The following TOGARAM1 variants were observed in gnomAD, a reference collection of about 807,000 sequenced individuals.
TOGARAM1 encodes the protein TOG array regulator of axonemal microtubules protein 1.
In TOGARAM1, 100 loss-of-function variants were observed where a neutral mutation model predicts 166.6. That is an observed-to-expected ratio of 0.60 (90% CI 0.51 to 0.71). TOGARAM1 has a LOEUF of 0.71. TOGARAM1 is among the 30% of genes least tolerant of loss of function. The pLI, the probability that TOGARAM1 is intolerant of heterozygous loss-of-function variation, is 0.00. For missense variants in TOGARAM1, 2,029 were observed against 2,102.7 expected, an observed-to-expected ratio of 0.96 and a Z score of 0.69; for synonymous variants, 758 against 763.8, an observed-to-expected ratio of 0.99 and a Z score of 0.13.
At chr14:44,970,263 T>C (rs1220167086) in intron 1 of TOGARAM1, among the ~76,000 whole-genome samples, 1 of 152,252 alleles carries the variant, frequency 6.6e-6, no homozygotes, top group Non-Finnish European at 1.5e-5. Context: ...CATATTTTGC[T>C]AAATTTAGAT....
In TOGARAM1 at chr14:45,071,791, G is replaced by A; in HGVS notation, c.5049G>A (p.Lys1683=). The A allele has an allele frequency of 6.2e-7, 1 of 1,608,788 alleles. No homozygotes were observed. The highest frequency in any genetic ancestry group is 1.1e-5 in the South Asian group (1 of 89,774). The part of the protein sequence containing the change: ...NGKAKQDMTE[K]LADIVTELYQ... ...AAGCAAAACAGGACATGACGGAAAA[G>A]CTTGCTGGTAAATACTTTGTAATTT... The change falls in exon 19 of 20, where the codon AAG becomes AAA. Residue 1683 remains lysine, a synonymous_variant. Coordinates refer to ENST00000361462, the MANE Select transcript of TOGARAM1 (RefSeq NM_001308120.2).
At chr14:45,020,629 G>C (rs1395348155) in intron 7 of TOGARAM1, among the ~76,000 whole-genome samples, 1 of 151,824 alleles carries the variant, frequency 6.6e-6, no homozygotes, top group Admixed American at 6.6e-5. Flanking sequence ...CTAAGAATGA[G>C]AGGAAGCACA....
intron 3 of TOGARAM1, 115 bp downstream of exon 3, chr14:44,999,612 TTTTGTTATATTTTTAATAAC>T: frequency 1.2e-6 from 1 of 833,342 alleles, no homozygotes; most frequent in Non-Finnish European, 1.7e-6. Context: ...AATAAAAGGA[TTTTGTTATATTTTTAATAAC>T]TTTTTTCATA....
chr14:45,064,396 G>A (rs772198500), intron 16 of TOGARAM1, among the ~76,000 whole-genome samples: 6 of 152,024 alleles, frequency 3.9e-5, no homozygotes, highest in Non-Finnish European at 7.4e-5. Context: ...CTTCCAAAGT[G>A]CTGGGATTAT....
At chr14:45,005,724 C>G (rs1027564591) in intron 4 of TOGARAM1, among the ~76,000 whole-genome samples, 3 of 152,158 alleles carry the variant, frequency 2.0e-5, no homozygotes, top group African/African-American at 4.8e-5. Flanking sequence ...TTTAAACTAC[C>G]CTACAAGTCC....
At chr14:44,968,861 A>G (rs2138718932) in intron 1 of TOGARAM1, among the ~76,000 whole-genome samples, 1 of 152,298 alleles carries the variant, frequency 6.6e-6, no homozygotes, top group South Asian at 2.1e-4. Context: ...TTATAGTATC[A>G]TAACAATAGT....
rs1200414644 is a variant in TOGARAM1 at position 45,045,583 on chromosome 14, ATGTGTGTGTGTGTGTGTG to A, written c.4154+731_4154+748del. Among the ~76,000 whole-genome samples the A allele has an allele frequency of 4.6e-3, 173 of 37,396 alleles. 3 individuals carry two copies. Among genetic ancestry groups the A allele is most frequent in the African/African-American group, 0.019 (144 of 7,670 alleles). The allele number at this position is 37,396 out of a possible 152,430, so 24.5% of individuals were successfully genotyped here. Reference sequence around the variant, plus strand: ...TATATATATATATATATATATATATATGTGTGTGTGTGTGTGTGTGTGTGTGTGTGTGTGTATATATAT... The same window carrying A: ...TATATATATATATATATATATATATATGTGTGTGTGTGTGTGTATATATAT... On this transcript the variant is annotated intron_variant, in intron 13 of 19. Transcript: ENST00000361462.
intron 16 of TOGARAM1, among the ~76,000 whole-genome samples, chr14:45,064,047 T>C (rs1421574338): frequency 6.6e-6 from 1 of 152,166 alleles, no homozygotes; most frequent in Admixed American, 6.5e-5. Flanking sequence ...TACTTTTTAA[T>C]GTCTCCTCTT....
At chr14:45,017,065 C>G (rs998275699) in intron 7 of TOGARAM1, among the ~76,000 whole-genome samples, 6 of 152,070 alleles carry the variant, frequency 3.9e-5, no homozygotes, top group African/African-American at 1.2e-4. Context: ...GTTAGAAATA[C>G]AAAATGAACA....
intron 16 of TOGARAM1, among the ~76,000 whole-genome samples, chr14:45,063,478 A>ACTTTT (rs1882992274): frequency 7.5e-6 from 1 of 134,002 alleles, no homozygotes; most frequent in African/African-American, 3.5e-5. Context: ...CATTTGACAA[A>ACTTTT]GTTTTTTTTT....
rs1343650819 is a variant in TOGARAM1 at position 44,963,664 on chromosome 14, C to G, written c.1243C>G (p.Leu415Val). The G allele has an allele frequency of 6.2e-7, 1 of 1,613,362 alleles. No individual in the cohort carries two copies. Among genetic ancestry groups the G allele is most frequent in the East Asian group, 2.2e-5 (1 of 44,902 alleles). ...DSNFKVVHGTLEVLHLLVIRL... is the reference protein window; with the variant it reads ...DSNFKVVHGTVEVLHLLVIRL... The stretch of plus-strand genomic sequence containing the variant: ...TAACTTCAAAGTGGTGCATGGCACA[C>G]TTGAAGTCCTGCATTTACTGGTTAT... The change falls in exon 1 of 20, where the codon CTT becomes GTT. Residue 415 changes from leucine (L) to valine (V), a missense_variant. Physicochemically the swap from Leu to Val is conservative, Grantham distance 32. Transcript: ENST00000361462.
chr14:45,064,759 G>T (rs1594706807), intron 16 of TOGARAM1, among the ~76,000 whole-genome samples: 1 of 152,266 alleles, frequency 6.6e-6, no homozygotes, highest in Non-Finnish European at 1.5e-5. Context: ...GACCATTTAG[G>T]TTTAAAGTAG....
rs769188598 is a variant in TOGARAM1, at chr14:45,032,313, G to C, written c.3749G>C (p.Arg1250Pro). The change falls in exon 11 of 20, where the codon CGA becomes CCA. Residue 1250 changes from arginine (R) to proline (P), a missense_variant. Arg to Pro is a moderately radical substitution (Grantham distance 103). Coordinates refer to ENST00000361462, the MANE Select transcript of TOGARAM1 (RefSeq NM_001308120.2). ...SPEIMDLSEL[R>P]PFSKPEIALT... ...GAAATAATGGATCTGTCAGAACTAC[G>C]ACCATTCTCTAAACCAGAAATAGCA... The C allele has an allele frequency of 1.2e-6, 2 of 1,613,910 alleles. No individual in the cohort carries two copies. The highest frequency in any genetic ancestry group is 1.3e-5 in the African/African-American group (1 of 74,904).
At chr14:45,025,999 A>G (rs1880817722) in intron 8 of TOGARAM1, 127 bp downstream of exon 8, 2 of 522,904 alleles carry the variant, frequency 3.8e-6, no homozygotes, top group Non-Finnish European at 6.8e-6. Flanking sequence ...AATGTATTAC[A>G]TTATCTTCAT....
chr14:45,051,338 A>G (rs1692396693), intron 14 of TOGARAM1, among the ~76,000 whole-genome samples: 1 of 152,186 alleles, frequency 6.6e-6, no homozygotes, highest in African/African-American at 2.4e-5. Context: ...GACTCAGGCC[A>G]GAACATCTGG....
chr14:44,962,988 G>A lies in TOGARAM1; in HGVS notation c.567G>A (p.Arg189=), dbSNP rs781760393. The change falls in exon 1 of 20, where the codon CGG becomes CGA. Residue 189 remains arginine (R), a synonymous_variant. Coordinates refer to ENST00000361462, the MANE Select transcript of TOGARAM1 (RefSeq NM_001308120.2). The part of the protein sequence containing the change: ...ALLPQLVVSL[R]EENPALRKDA... ...TGCCTCAACTAGTTGTCTCGTTACG[G>A]GAAGAGAATCCAGCCCTGCGGAAAG... 24 of 1,614,072 alleles carry A rather than the reference G, an allele frequency of 1.5e-5. No homozygotes were observed. The highest frequency in any genetic ancestry group is 2.0e-5 in the Non-Finnish European group (24 of 1,180,050).
At position 44,963,821 on chromosome 14, in the gene TOGARAM1, G is replaced by A; in HGVS notation, c.1400G>A (p.Gly467Glu). The change falls in exon 1 of 20, where the codon GGA (glycine) becomes GAA (glutamate). Residue 467 changes from glycine (G) to glutamate (E), a missense_variant. Physicochemically the swap from Gly to Glu is moderately conservative, Grantham distance 98. Around this residue, in one of 2 missense-constraint regions of TOGARAM1, gnomAD observed 1,453 missense variants for 1,432.2 expected, o/e 1.01. Coordinates refer to ENST00000361462, the MANE Select transcript of TOGARAM1 (RefSeq NM_001308120.2). ...KIFLKLMKEV[G>E]PQQVLCLLLE... The stretch of plus-strand genomic sequence containing the variant: ...TTCCTCAAGCTAATGAAGGAAGTAG[G>A]ACCTCAGCAGGTGCTTTGTTTACTC... 1 of 1,614,180 alleles carries A rather than the reference G, an allele frequency of 6.2e-7. No individual in the cohort carries two copies. Among genetic ancestry groups the A allele is most frequent in the Admixed American group, 1.7e-5 (1 of 60,018 alleles).
intron 1 of TOGARAM1, among the ~76,000 whole-genome samples, chr14:44,984,199 A>G (rs1886671249): frequency 6.6e-6 from 1 of 152,188 alleles, no homozygotes; most frequent in African/African-American, 2.4e-5. Context: ...AAGCAAAGTA[A>G]GAAAGTGAGA....
chr14:44,996,809 A>G (rs1887434521), intron 2 of TOGARAM1: 1 of 152,260 alleles, frequency 6.6e-6, no homozygotes. Context: ...ACATGGTGGG[A>G]GCAAGGGGAA....
Sources: gnomAD v4.1 joint callset for allele counts (sites outside exome capture counted in the v4.1 genomes callset) on GRCh38, gnomAD v4.1.1 for gene constraint, gnomAD v4.1.1 regional missense constraint, MANE v1.5 for transcripts, NCBI Gene and HGNC (gene_info 2026-07-23, HGNC 2026-07-21) for gene names.